ITFG1: variants seen among roughly 807,000 people sequenced by gnomAD.
ITFG1 encodes the protein T-cell immunomodulatory protein.
ITFG1 carries 34 observed loss-of-function variants against 81.8 expected under a neutral mutation model. That is an observed-to-expected ratio of 0.42 (90% CI 0.32 to 0.55). ITFG1 has a LOEUF of 0.55. Among genes scored for constraint, ITFG1 ranks in the 20% least tolerant of loss-of-function variants. The probability of loss-of-function intolerance (pLI) is 0.17; values close to 1 mark genes in which losing one functional copy is unlikely to be tolerated. For missense variants in ITFG1, 672 were observed against 755.4 expected (o/e 0.89, Z 1.29); for synonymous variants, 285 against 270.6 (o/e 1.05, Z -0.52).
intron 8 of ITFG1, among the ~76,000 whole-genome samples, chr16:47,344,302 A>C (rs1159906910): frequency 6.6e-6 from 1 of 152,236 alleles, no homozygotes; most frequent in Non-Finnish European, 1.5e-5. Context: ...ATTTTTAAAA[A>C]AGTAGATTAG....
intron 6 of ITFG1, among the ~76,000 whole-genome samples, chr16:47,411,753 G>T (rs1056004547): frequency 6.6e-6 from 1 of 152,116 alleles, no homozygotes; most frequent in Non-Finnish European, 1.5e-5. Context: ...ATTGGAGGTG[G>T]CTCCCATACG....
chr16:47,236,257 C>T (rs1219419060), intron 13 of ITFG1, among the ~76,000 whole-genome samples: 10 of 152,040 alleles, frequency 6.6e-5, no homozygotes, highest in Non-Finnish European at 1.3e-4. Context: ...AGGCGGATCA[C>T]GAGGTCAGGA....
At chr16:47,302,745 C>A (rs1967095513) in intron 10 of ITFG1, among the ~76,000 whole-genome samples, 1 of 152,214 alleles carries the variant, frequency 6.6e-6, no homozygotes, top group Non-Finnish European at 1.5e-5. Flanking sequence ...GTATATGCTT[C>A]ATTTCACAGA....
chr16:47,292,979 A>G (rs1567448073), intron 10 of ITFG1, among the ~76,000 whole-genome samples: 1 of 150,692 alleles, frequency 6.6e-6, no homozygotes, highest in Non-Finnish European at 1.5e-5. Context: ...TGAAAAAGAC[A>G]TGACTTCATT....
Position 47,186,147 on chromosome 16 carries a change from C to T in ITFG1, c.1454-23483G>A, listed in dbSNP as rs1373609292. The stretch of plus-strand genomic sequence containing the variant: ...CTTACCAACCAAAAAGAGTCCAGGA[C>T]CAGATGGATTCACAGCCGAATTCTA... On this transcript the variant is annotated intron_variant, in intron 14 of 17. Coordinates refer to ENST00000320640, the MANE Select transcript of ITFG1 (RefSeq NM_030790.5). 2.6e-5 allele frequency among the ~76,000 whole-genome samples: 4 copies of T among 152,010 alleles called. No individual in the cohort carries two copies. The East Asian group carries it at 7.7e-4, about 29-fold the overall frequency.
chr16:47,343,508 TAAAA>T (rs1967811726), intron 8 of ITFG1, among the ~76,000 whole-genome samples: 1 of 151,800 alleles, frequency 6.6e-6, no homozygotes, highest in East Asian at 1.9e-4. Flanking sequence ...AATTCAATAA[TAAAA>T]AGACAAACCA....
At chr16:47,288,047 C>T (rs1019215937) in intron 10 of ITFG1, among the ~76,000 whole-genome samples, 7 of 152,254 alleles carry the variant, frequency 4.6e-5, no homozygotes, top group Admixed American at 4.6e-4. Context: ...TCCTGCTGTA[C>T]ATTTTTATTT....
chr16:47,189,216 T>C (rs1203994930), intron 14 of ITFG1, among the ~76,000 whole-genome samples: 1 of 152,220 alleles, frequency 6.6e-6, no homozygotes, highest in African/African-American at 2.4e-5. Flanking sequence ...GTTAAATTGG[T>C]ATATAATTCA....
chr16:47,188,236 C>A (rs1181692717), intron 14 of ITFG1, among the ~76,000 whole-genome samples: 2 of 151,876 alleles, frequency 1.3e-5, no homozygotes, highest in African/African-American at 4.8e-5. Flanking sequence ...CTAGAAATAC[C>A]ATTTGACCCA....
intron 6 of ITFG1, among the ~76,000 whole-genome samples, chr16:47,378,735 AT>A (rs1968358604): frequency 6.6e-6 from 1 of 152,308 alleles, no homozygotes; most frequent in East Asian, 1.9e-4. Context: ...AAAATAAATG[AT>A]TCATTACACA....
At chr16:47,402,560 A>G (rs1401705786) in intron 6 of ITFG1, among the ~76,000 whole-genome samples, 1 of 152,194 alleles carries the variant, frequency 6.6e-6, no homozygotes, top group Non-Finnish European at 1.5e-5. Flanking sequence ...TGCCCGACCC[A>G]GTGCACATGG....
intron 8 of ITFG1, among the ~76,000 whole-genome samples, chr16:47,326,392 C>T (rs1255500345): frequency 2.0e-5 from 3 of 152,190 alleles, no homozygotes; most frequent in Non-Finnish European, 2.9e-5. Flanking sequence ...AAACTGGAAG[C>T]ATTCCCTTTG....
intron 10 of ITFG1, 86 bp downstream of exon 10, chr16:47,311,154 G>T: frequency 1.2e-6 from 1 of 845,606 alleles, no homozygotes; most frequent in Non-Finnish European, 1.8e-6. Context: ...AACATATTTA[G>T]GTACTATTCA....
intron 12 of ITFG1, among the ~76,000 whole-genome samples, chr16:47,252,872 G>A (rs1322253822): frequency 1.3e-5 from 2 of 152,150 alleles, no homozygotes; most frequent in African/African-American, 2.4e-5. Flanking sequence ...GCAAACAACC[G>A]ATAATCAAAG....
chr16:47,253,846 C>G (rs987174971), intron 12 of ITFG1, among the ~76,000 whole-genome samples: 1 of 152,074 alleles, frequency 6.6e-6, no homozygotes, highest in South Asian at 2.1e-4. Context: ...TCCTGTCGTG[C>G]GGCCTGGTTC....
chr16:47,209,333 T>C (rs754083175), intron 14 of ITFG1, among the ~76,000 whole-genome samples: 6 of 152,188 alleles, frequency 3.9e-5, no homozygotes, highest in African/African-American at 7.2e-5. Flanking sequence ...AATATTACCA[T>C]AGTATTGATA....
chr16:47,301,577 G>C (rs1337121597), intron 10 of ITFG1, among the ~76,000 whole-genome samples: 2 of 152,024 alleles, frequency 1.3e-5, no homozygotes, highest in South Asian at 4.1e-4. Context: ...TGCATTTTTA[G>C]TAGAGACAAG....
intron 8 of ITFG1, among the ~76,000 whole-genome samples, chr16:47,316,363 G>A (rs1217929343): frequency 6.6e-6 from 1 of 152,068 alleles, no homozygotes; most frequent in Non-Finnish European, 1.5e-5. Context: ...AATTATTTGT[G>A]TTCTTTCCCT....
intron 8 of ITFG1, among the ~76,000 whole-genome samples, chr16:47,329,113 A>T (rs991430434): frequency 2.0e-5 from 3 of 152,178 alleles, no homozygotes; most frequent in African/African-American, 7.2e-5. Context: ...TGGTAAAGTA[A>T]TATCATTGTA....
Sources: allele counts gnomAD v4.1 joint callset (sites outside exome capture counted in the v4.1 genomes callset), GRCh38; gene constraint gnomAD v4.1.1; transcripts MANE v1.5; gene names NCBI Gene and HGNC (gene_info 2026-07-23, HGNC 2026-07-21).